The following SLC35B3 variants were observed in gnomAD, a reference collection of about 807,000 sequenced individuals.
SLC35B3 encodes solute carrier family 35 member B3.
SLC35B3 carries 35 observed loss-of-function variants against 44.1 expected under a neutral mutation model. The observed-to-expected ratio is 0.79, with a 90% CI of 0.61 to 1.05. The LOEUF (loss-of-function observed/expected upper bound fraction) is 1.05. Ranked by LOEUF, SLC35B3 falls within the 50% of genes least tolerant of loss-of-function variation. The probability of loss-of-function intolerance (pLI) is 0.00; values close to 1 mark genes in which losing one functional copy is unlikely to be tolerated. For missense variants in SLC35B3, 414 were observed against 476.4 expected (o/e 0.87, Z 1.22); for synonymous variants, 146 against 167.3 (o/e 0.87, Z 0.98).
Position 8,428,022 on chromosome 6 carries a change from C to CTTACCTTAAA in SLC35B3, c.333_334insTTTAAGGTAA (p.Gly112PhefsTer88). On this transcript the variant is annotated frameshift_variant, in exon 4 of 11. Coordinates refer to ENST00000644923, the MANE Select transcript of SLC35B3 (RefSeq NM_001370476.2). LOFTEE classifies it high-confidence loss of function. ...AACTGCACTAAGGTAAGGTACCAGC[C>CTTACCTTAAA]ACAGGACTTAAAACCCTCCACTGAA... 3.1e-6 allele frequency: 5 copies of CTTACCTTAAA among 1,607,454 alleles called. No individual in the cohort carries two copies. Among genetic ancestry groups the CTTACCTTAAA allele is most frequent in the Non-Finnish European group, 4.3e-6 (5 of 1,176,390 alleles).
At chr6:8,425,163 C>T (rs1763296098) in intron 4 of SLC35B3, among the ~76,000 whole-genome samples, 1 of 152,160 alleles carries the variant, frequency 6.6e-6, no homozygotes, top group Non-Finnish European at 1.5e-5. Flanking sequence ...AGGCCCCCTC[C>T]CCTCTCATCG....
At chr6:8,431,494 A>T (rs1381503293) in intron 2 of SLC35B3, among the ~76,000 whole-genome samples, 1 of 152,202 alleles carries the variant, frequency 6.6e-6, no homozygotes, top group Admixed American at 6.5e-5. Context: ...TCTGAATACC[A>T]CTTGTAACTA....
chr6:8,417,981 A>G (rs1048549823), intron 7 of SLC35B3, among the ~76,000 whole-genome samples: 10 of 152,094 alleles, frequency 6.6e-5, no homozygotes, highest in African/African-American at 2.4e-4. Flanking sequence ...CAGAATCAGC[A>G]GCAGCAGCAG....
chr6:8,420,647 C>T lies in SLC35B3; in HGVS notation c.682+74G>A. The T allele has an allele frequency of 8.8e-7, 1 of 1,136,078 alleles. No homozygotes were observed. The highest frequency in any genetic ancestry group is 1.3e-6 in the Non-Finnish European group (1 of 775,444). The allele number at this position is 1,136,078 out of a possible 1,614,324, so 70.4% of individuals were successfully genotyped here. ...AGCTGTCACACTATCATTTAAAATGCTTACAAAATATTCGAAATTCGTATT... is the reference window on the plus strand; with the variant it reads ...AGCTGTCACACTATCATTTAAAATGTTTACAAAATATTCGAAATTCGTATT... On this transcript the variant is annotated intron_variant, in intron 6 of 10. Transcript: ENST00000644923. This position sits in a 1 kb window ranked among gnomAD's most constrained non-coding sequence, Gnocchi z 4.4.
In SLC35B3 at chr6:8,417,420, T is replaced by C; in HGVS notation, c.855A>G (p.Ala285=). 1 of 1,597,080 alleles carries C rather than the reference T, an allele frequency of 6.3e-7. No individual in the cohort carries two copies. The highest frequency in any genetic ancestry group is 1.1e-5 in the South Asian group (1 of 87,678). The change falls in exon 8 of 11, where the codon GCA becomes GCG. Residue 285 remains alanine (A), a synonymous_variant. Transcript: ENST00000644923. ...TGTTTACCTTTGCACAAAATGTTAC[T>C]GCAGGGCCTAATCCACTAGTGCATG...
rs541065636 is a variant in SLC35B3, at chr6:8,412,804, G to T, written c.*745C>A. ...ATATGCGGTTCATAACAGGGTTCCC[G>T]CTGCTATGAGAATCTAACGCTGCTG... On this transcript the variant is annotated 3_prime_UTR_variant, in exon 11 of 11. Transcript: ENST00000644923. Among the ~76,000 whole-genome samples, 3 of 152,088 alleles carry T rather than the reference G, an allele frequency of 2.0e-5. No homozygotes were observed. The highest frequency in any genetic ancestry group is 7.2e-5 in the African/African-American group (3 of 41,402).
Position 8,430,160 on chromosome 6 carries a change from A to G in SLC35B3, c.4-3T>C, listed in dbSNP as rs371542738. The stretch of plus-strand genomic sequence containing the variant: ...TCTTTTGCTTGCTGTGTCAAGTCCT[A>G]GAGAAGGAAATAAGCAATTAAAACA... On this transcript the variant is annotated splice_region_variant and splice_polypyrimidine_tract_variant and intron_variant, in intron 2 of 10. Transcript: ENST00000644923. 83 of 1,549,208 alleles carry G rather than the reference A, an allele frequency of 5.4e-5. No individual in the cohort carries two copies. The African/African-American group carries it at 1.0e-3, about 20-fold the overall frequency.
At chr6:8,428,522 A>T (rs986547527) in intron 3 of SLC35B3, among the ~76,000 whole-genome samples, 1 of 152,212 alleles carries the variant, frequency 6.6e-6, no homozygotes, top group African/African-American at 2.4e-5. Context: ...ATATGTAATT[A>T]TAAGTAATAG....
intron 10 of SLC35B3, 87 bp downstream of exon 9, chr6:8,414,821 G>T: frequency 1.5e-6 from 1 of 676,678 alleles, no homozygotes; most frequent in Non-Finnish European, 2.3e-6. Context: ...AAAAGAAAAA[G>T]TAGAAAAGTT....
chr6:8,422,913 T>A (rs1475024382), intron 4 of SLC35B3, among the ~76,000 whole-genome samples: 2 of 86,470 alleles, frequency 2.3e-5, no homozygotes, highest in Non-Finnish European at 5.0e-5. Flanking sequence ...AAAGGTTTTT[T>A]TTTTTTTTTT....
chr6:8,431,630 A>G (rs370222331), intron 2 of SLC35B3, among the ~76,000 whole-genome samples: 46 of 152,278 alleles, frequency 3.0e-4, no homozygotes, highest in South Asian at 1.0e-3. Flanking sequence ...TGCTTCCCAC[A>G]TTATGTTTCA....
chr6:8,419,497 T>TTA lies in SLC35B3; in HGVS notation c.780+81_780+82dup. ...AATGAGTTTAAAAATGCAATGCTAG[T>TTA]TATAATAATTATTTCATCAAATTAC... On this transcript the variant is annotated intron_variant, in intron 7 of 10. Transcript: ENST00000644923. This position sits in a 1 kb window ranked among gnomAD's most constrained non-coding sequence, Gnocchi z 4.3. The TTA allele has an allele frequency of 1.5e-6, 1 of 665,154 alleles. No individual in the cohort carries two copies. The highest frequency in any genetic ancestry group is 2.8e-5 in the East Asian group (1 of 35,302). 41.2% of individuals were successfully genotyped at this position (665,154 alleles called of 1,614,324 possible). A position where few individuals can be genotyped will look rare whatever the true frequency, so the allele number is the denominator to read the frequency against.
At chr6:8,427,805 T>G in intron 4 of SLC35B3, 132 bp downstream of exon 3, 3 of 660,026 alleles carry the variant, frequency 4.5e-6, no homozygotes, top group South Asian at 5.0e-5. Context: ...TATTTAGTAT[T>G]AAGTTAGTTA....
chr6:8,432,019 C>T lies in SLC35B3; in HGVS notation c.4-1862G>A, dbSNP rs896635663. On this transcript the variant is annotated intron_variant, in intron 2 of 10. Coordinates refer to ENST00000644923, the MANE Select transcript of SLC35B3 (RefSeq NM_001370476.2). The surrounding 1 kb of genome is among the most constrained non-coding windows in gnomAD (Gnocchi z 4.8). ...AGGTTTGGAAGTTCAGCTTTAATAT[C>T]CCCTCCTTTGTGACACCATCACTAA... Among the ~76,000 whole-genome samples the T allele has an allele frequency of 6.6e-6, 1 of 152,138 alleles. No homozygotes were observed. The highest frequency in any genetic ancestry group is 2.4e-5 in the African/African-American group (1 of 41,440).
At position 8,420,610 on chromosome 6, in the gene SLC35B3, T is replaced by G; in HGVS notation, c.682+111A>C. ...GAAAGTCCAAAAGCTTTATGTTAGATATGAAAATTGCAGCTGTCACACTAT... is the reference window on the plus strand; with the variant it reads ...GAAAGTCCAAAAGCTTTATGTTAGAGATGAAAATTGCAGCTGTCACACTAT... On this transcript the variant is annotated intron_variant, in intron 6 of 10. Coordinates refer to ENST00000644923, the MANE Select transcript of SLC35B3 (RefSeq NM_001370476.2). This position sits in a 1 kb window ranked among gnomAD's most constrained non-coding sequence, Gnocchi z 4.4. 2.9e-6 allele frequency: 2 copies of G among 693,056 alleles called. No homozygotes were observed. Among genetic ancestry groups the G allele is most frequent in the Non-Finnish European group, 5.0e-6 (2 of 403,488 alleles). The allele number at this position is 693,056 out of a possible 1,614,324, so 42.9% of individuals were successfully genotyped here.
In SLC35B3 at chr6:8,429,975, A is replaced by T; in HGVS notation, c.186T>A (p.Val62=). ...TCATGCCAAGTACCACAACGTCGTC[A>T]ACTGACTTGATGTGTGGTGACATTG... Residue 62 remains valine, a synonymous_variant, in exon 3 of 11, where the codon GTT becomes GTA. Transcript: ENST00000644923. 6.2e-7 allele frequency: 1 copy of T among 1,613,542 alleles called. No homozygotes were observed. The highest frequency in any genetic ancestry group is 8.5e-7 in the Non-Finnish European group (1 of 1,179,782).
In SLC35B3 at chr6:8,434,694, A is replaced by C. The variant is rs1764318502; in HGVS notation, c.-43-264T>G. ...TAGAAAAACGTTTAATCAAAAAACA[A>C]TTCTAGGCTTCTGATATCCTAATGT... On this transcript the variant is annotated intron_variant, in intron 1 of 10. Transcript: ENST00000644923. The surrounding 1 kb of genome is among the most constrained non-coding windows in gnomAD (Gnocchi z 6.3). Among the ~76,000 whole-genome samples, 1 of 152,222 alleles carries C rather than the reference A, an allele frequency of 6.6e-6. No homozygotes were observed. The highest frequency in any genetic ancestry group is 1.5e-5 in the Non-Finnish European group (1 of 68,044).
rs747265719 is a variant in SLC35B3 at position 8,414,869 on chromosome 6, T to TA, written c.1055+38dup. The TA allele has an allele frequency of 4.6e-6, 6 of 1,292,040 alleles. No homozygotes were observed. In the East Asian group the frequency reaches 1.4e-4, roughly 31 times the overall value. 80.0% of individuals were successfully genotyped at this position (1,292,040 alleles called of 1,614,324 possible). ...AAGAGGAAATGTGAAACACAGTATC[T>TA]AAAAACTGAGAAAAATTGTTTAATT... On this transcript the variant is annotated intron_variant, in intron 10 of 10. Coordinates refer to ENST00000644923, the MANE Select transcript of SLC35B3 (RefSeq NM_001370476.2).
chr6:8,424,877 G>A (rs1229220706), intron 4 of SLC35B3, among the ~76,000 whole-genome samples: 1 of 152,002 alleles, frequency 6.6e-6, no homozygotes, highest in East Asian at 1.9e-4. Flanking sequence ...CCAGTATGTC[G>A]GTATTCACAT....
Sources: allele counts gnomAD v4.1 joint callset (sites outside exome capture counted in the v4.1 genomes callset), GRCh38; gene constraint gnomAD v4.1.1; non-coding constraint Gnocchi (gnomAD v3.1); transcripts MANE v1.5; gene names NCBI Gene and HGNC (gene_info 2026-07-23, HGNC 2026-07-21).